The following EFNA5 variants were observed in gnomAD, a reference collection of about 807,000 sequenced individuals.
EFNA5 encodes ephrin A5.
Under a neutral mutation model 22.9 loss-of-function variants are expected in EFNA5, and 5 were observed. The observed-to-expected ratio is 0.22, with a 90% CI of 0.11 to 0.46. The LOEUF is 0.46. Among genes scored for constraint, EFNA5 ranks in the 20% least tolerant of loss-of-function variants. EFNA5 has a pLI of 0.99. For synonymous variants in EFNA5, 113 were observed against 112.2 expected (o/e 1.01, Z -0.04); for missense variants, 237 against 293.3 (o/e 0.81, Z 1.40).
intron 1 of EFNA5, among the ~76,000 whole-genome samples, chr5:107,439,119 G>T (rs577029573): frequency 3.1e-4 from 47 of 152,238 alleles, no homozygotes; most frequent in Non-Finnish European, 4.6e-4. Flanking sequence ...ATTGCATTTG[G>T]AGACAGGGTC....
At chr5:107,433,666 T>C (rs1005030688) in intron 1 of EFNA5, among the ~76,000 whole-genome samples, 3 of 152,184 alleles carry the variant, frequency 2.0e-5, no homozygotes, top group Admixed American at 6.5e-5. Flanking sequence ...GAAGCTGAAG[T>C]GGGAGGATCA....
intron 1 of EFNA5, among the ~76,000 whole-genome samples, chr5:107,476,702 T>C (rs1368969535): frequency 2.6e-5 from 4 of 151,638 alleles, no homozygotes; most frequent in Non-Finnish European, 1.5e-5. Flanking sequence ...TCTTAGTCCA[T>C]TTAGCTGCCC....
At chr5:107,428,623 T>C (rs1748866240) in intron 1 of EFNA5, among the ~76,000 whole-genome samples, 1 of 152,242 alleles carries the variant, frequency 6.6e-6, no homozygotes, top group Non-Finnish European at 1.5e-5. Context: ...TGTTTTTAGC[T>C]GGTGAGGAAA....
rs1160728893 is a variant in EFNA5, at chr5:107,379,013, G to A, written c.*2242C>T. 1 of 151,942 alleles carries A rather than the reference G, an allele frequency of 6.6e-6. No homozygotes were observed. Among genetic ancestry groups the A allele is most frequent in the Non-Finnish European group, 1.5e-5 (1 of 68,012 alleles). 9.4% of individuals were successfully genotyped at this position (151,942 alleles called of 1,614,324 possible). A position where few individuals can be genotyped will look rare whatever the true frequency, so the allele number is the denominator to read the frequency against. The stretch of plus-strand genomic sequence containing the variant: ...TAATTAAAAAAAAAAAAGTATTTCT[G>A]CATATGACTGAGAGTACTGCATATA... On this transcript the variant is annotated 3_prime_UTR_variant, in exon 5 of 5. Coordinates refer to ENST00000333274, the MANE Select transcript of EFNA5 (RefSeq NM_001962.3).
chr5:107,553,351 G>C (rs1748339950), intron 1 of EFNA5, among the ~76,000 whole-genome samples: 1 of 152,142 alleles, frequency 6.6e-6, no homozygotes, highest in Non-Finnish European at 1.5e-5. Flanking sequence ...GGAAAGATGG[G>C]AGCTAGGAAA....
chr5:107,436,926 T>C (rs1749125611), intron 1 of EFNA5, among the ~76,000 whole-genome samples: 1 of 150,138 alleles, frequency 6.7e-6, no homozygotes, highest in Non-Finnish European at 1.5e-5. Flanking sequence ...ATAATAATAA[T>C]AACTAAAGGG....
intron 1 of EFNA5, among the ~76,000 whole-genome samples, chr5:107,534,632 T>C (rs182149970): frequency 5.7e-4 from 87 of 152,320 alleles, no homozygotes; most frequent in Middle Eastern, 3.4e-3. Context: ...CTTTGTGATA[T>C]GTTTTGCAGC....
chr5:107,554,505 C>G (rs1229749718), intron 1 of EFNA5, among the ~76,000 whole-genome samples: 1 of 151,956 alleles, frequency 6.6e-6, no homozygotes, highest in Non-Finnish European at 1.5e-5. Context: ...AAAAACATAC[C>G]AATAATAAGT....
intron 1 of EFNA5, among the ~76,000 whole-genome samples, chr5:107,566,293 G>A (rs7725343): frequency 0.017 from 2,540 of 152,232 alleles, 68 homozygotes; most frequent in African/African-American, 0.058. Flanking sequence ...GTTACTGGGT[G>A]AGAGCCTTCT....
At chr5:107,587,129 T>C (rs1484322729) in intron 1 of EFNA5, among the ~76,000 whole-genome samples, 2 of 152,190 alleles carry the variant, frequency 1.3e-5, no homozygotes, top group African/African-American at 4.8e-5. Flanking sequence ...TAATTTTCTA[T>C]CTAAAATCCT....
At chr5:107,511,321 C>A (rs757043758) in intron 1 of EFNA5, among the ~76,000 whole-genome samples, 1 of 151,960 alleles carries the variant, frequency 6.6e-6, no homozygotes, top group African/African-American at 2.4e-5. Flanking sequence ...CCACTGCTCC[C>A]GGCACCATAG....
intron 1 of EFNA5, among the ~76,000 whole-genome samples, chr5:107,449,093 C>G (rs1749479929): frequency 6.6e-6 from 1 of 151,984 alleles, no homozygotes; most frequent in African/African-American, 2.4e-5. Context: ...ATAACACTTT[C>G]AGTTTCACAC....
intron 1 of EFNA5, among the ~76,000 whole-genome samples, chr5:107,593,290 C>T (rs1749413305): frequency 1.3e-5 from 2 of 152,164 alleles, no homozygotes. Flanking sequence ...GCAGCATCTG[C>T]CCAGCACAGG....
At chr5:107,436,067 G>C (rs1251630387) in intron 1 of EFNA5, among the ~76,000 whole-genome samples, 1 of 152,170 alleles carries the variant, frequency 6.6e-6, no homozygotes, top group African/African-American at 2.4e-5. Context: ...ATATCAGATA[G>C]ATAGATAAAA....
At chr5:107,527,236 T>C (rs1161222703) in intron 1 of EFNA5, among the ~76,000 whole-genome samples, 4 of 152,116 alleles carry the variant, frequency 2.6e-5, no homozygotes, top group Non-Finnish European at 2.9e-5. Flanking sequence ...GATGTATAAA[T>C]GGGTTATTCA....
rs1751172537 is a variant in EFNA5 at position 107,670,581 on chromosome 5, A to G, written c.33T>C (p.Phe11=). The G allele has an allele frequency of 2.5e-6, 4 of 1,603,556 alleles. No individual in the cohort carries two copies. In the African/African-American group the frequency reaches 5.4e-5, roughly 22 times the overall value. ...TGAACACACACATCCAGAGCACCAG[A>G]AACACCAGCGTCAACATCTCCACGT... MLHVEMLTLV[F]LVLWMCVFSQ... Residue 11 remains phenylalanine (F), a synonymous_variant, in exon 1 of 5, where the codon TTT becomes TTC. Coordinates refer to ENST00000333274, the MANE Select transcript of EFNA5 (RefSeq NM_001962.3).
intron 1 of EFNA5, among the ~76,000 whole-genome samples, chr5:107,668,256 T>C (rs1215010265): frequency 2.0e-5 from 3 of 152,220 alleles, no homozygotes; most frequent in African/African-American, 4.8e-5. Context: ...GAAATACTCT[T>C]GGTATTTTAA....
intron 1 of EFNA5, among the ~76,000 whole-genome samples, chr5:107,477,739 T>C (rs922373319): frequency 1.3e-5 from 2 of 152,192 alleles, no homozygotes; most frequent in Non-Finnish European, 2.9e-5. Flanking sequence ...GTGGCTCTTA[T>C]GTGACTAATC....
At chr5:107,647,989 C>T (rs1236345545) in intron 1 of EFNA5, among the ~76,000 whole-genome samples, 1 of 152,148 alleles carries the variant, frequency 6.6e-6, no homozygotes, top group Non-Finnish European at 1.5e-5. Context: ...AATATTTAGG[C>T]ATTTCTGTTT....
Sources: allele counts gnomAD v4.1 joint callset (sites outside exome capture counted in the v4.1 genomes callset), GRCh38; gene constraint gnomAD v4.1.1; transcripts MANE v1.5; gene names NCBI Gene and HGNC (gene_info 2026-07-23, HGNC 2026-07-21).